Variants in SORCS2 observed in about 807,000 individuals in gnomAD.
The protein encoded by SORCS2 is VPS10 domain-containing receptor SorCS2.
SORCS2 carries 100 observed loss-of-function variants against 141.6 expected under a neutral mutation model. That is an observed-to-expected ratio of 0.71 (90% CI 0.60 to 0.83). The LOEUF (loss-of-function observed/expected upper bound fraction) is 0.83, where lower values mean the gene tolerates loss of function less well. SORCS2 is among the 40% of genes least tolerant of loss of function. The pLI is 0.00. For synonymous variants in SORCS2, 789 were observed against 676.9 expected (o/e 1.17, Z -2.57); for missense variants, 1,646 against 1,560.2 (o/e 1.05, Z -0.93).
At chr4:7,512,897 C>T (rs1732751551) in intron 2 of SORCS2, among the ~76,000 whole-genome samples, 2 of 152,232 alleles carry the variant, frequency 1.3e-5, no homozygotes, top group African/African-American at 4.8e-5. Flanking sequence ...CCCTGCCCCT[C>T]CATGGCCTTG....
At chr4:7,535,366 C>T (rs916249606) in intron 3 of SORCS2, among the ~76,000 whole-genome samples, 3 of 152,130 alleles carry the variant, frequency 2.0e-5, no homozygotes, top group Non-Finnish European at 4.4e-5. Flanking sequence ...CACCGGGGAG[C>T]GGCAGGGGAA....
chr4:7,433,544 C>G, intron 2 of SORCS2: 2 of 1,610,446 alleles, frequency 1.2e-6, no homozygotes, highest in South Asian at 1.1e-5. Flanking sequence ...AGCACGGGCT[C>G]GTACTGGGTG....
At chr4:7,285,020 C>T (rs1038750280) in intron 1 of SORCS2, among the ~76,000 whole-genome samples, 1 of 121,260 alleles carries the variant, frequency 8.2e-6, no homozygotes, top group African/African-American at 2.8e-5. Context: ...TGGGACCATC[C>T]CATATATATA....
At chr4:7,482,658 T>A (rs1461746775) in intron 2 of SORCS2, among the ~76,000 whole-genome samples, 1 of 72,604 alleles carries the variant, frequency 1.4e-5, no homozygotes, top group African/African-American at 8.1e-5. Context: ...GTATCCCCGC[T>A]GCGGACACCC....
At chr4:7,455,111 A>T (rs1217560423) in intron 2 of SORCS2, among the ~76,000 whole-genome samples, 20 of 24,582 alleles carry the variant, frequency 8.1e-4, no homozygotes, top group East Asian at 1.4e-3. Flanking sequence ...TGGGGTCAGG[A>T]GCTGTGTGTT....
At chr4:7,422,926 C>T (rs1006273579) in intron 2 of SORCS2, among the ~76,000 whole-genome samples, 6 of 152,194 alleles carry the variant, frequency 3.9e-5, no homozygotes, top group Non-Finnish European at 7.3e-5. Context: ...CCGCAGACCA[C>T]GGCCCCTCTC....
chr4:7,627,622 G>A (rs1490465105), intron 3 of SORCS2, among the ~76,000 whole-genome samples: 1 of 152,226 alleles, frequency 6.6e-6, no homozygotes, highest in Non-Finnish European at 1.5e-5. Context: ...CTCATAATGT[G>A]CCTCTGTTGG....
rs755512220 is a variant in SORCS2, at chr4:7,654,198, A to T, written c.878A>T (p.His293Leu). Residue 293 changes from histidine (H) to leucine (L), a missense_variant, in exon 5 of 27, where the codon CAC becomes CTC. Coordinates refer to ENST00000507866, the MANE Select transcript of SORCS2 (RefSeq NM_020777.3). The stretch of plus-strand genomic sequence containing the variant: ...CTGCAAGAGCGAGTGACCAAAGACC[A>T]CGTGTTCTGGTGAGAGCACTTCCCC... ...TLLQERVTKD[H>L]VFWSVSGVDA... 6.3e-7 allele frequency: 1 copy of T among 1,576,862 alleles called. No individual in the cohort carries two copies. The highest frequency in any genetic ancestry group is 1.2e-5 in the South Asian group (1 of 86,052).
chr4:7,335,489 C>A (rs1347900237), intron 1 of SORCS2, among the ~76,000 whole-genome samples: 1 of 152,206 alleles, frequency 6.6e-6, no homozygotes, highest in African/African-American at 2.4e-5. Flanking sequence ...CCTTTTCTTT[C>A]TCTCTGGGCG....
intron 24 of SORCS2, among the ~76,000 whole-genome samples, chr4:7,733,636 C>T (rs575942154): frequency 4.1e-4 from 62 of 152,352 alleles, no homozygotes; most frequent in African/African-American, 1.4e-3. Flanking sequence ...CTGATACCCA[C>T]GCTTCGGGTC....
chr4:7,253,123 G>C (rs1713617093), intron 1 of SORCS2, among the ~76,000 whole-genome samples: 2 of 152,368 alleles, frequency 1.3e-5, no homozygotes, highest in South Asian at 4.1e-4. Context: ...GGGTGTCCTG[G>C]TGATCACAAA....
rs1284893454 is a variant in SORCS2, at chr4:7,209,403, G to C, written c.480+16277G>C. On this transcript the variant is annotated intron_variant, in intron 1 of 26. Coordinates refer to ENST00000507866, the MANE Select transcript of SORCS2 (RefSeq NM_020777.3). ...GGGTCTTGAGATACTTGTGGCCTCTGGGGTGGGAGGACTTGGGAGGCTGTG... is the reference window on the plus strand; with the variant it reads ...GGGTCTTGAGATACTTGTGGCCTCTCGGGTGGGAGGACTTGGGAGGCTGTG... Among the ~76,000 whole-genome samples the C allele has an allele frequency of 1.3e-5, 2 of 152,184 alleles. 1 individual carries two copies. Among genetic ancestry groups the C allele is most frequent in the Admixed American group, 1.3e-4 (2 of 15,290 alleles).
At chr4:7,635,710 TC>T (rs1200532169) in intron 3 of SORCS2, among the ~76,000 whole-genome samples, 1 of 152,186 alleles carries the variant, frequency 6.6e-6, no homozygotes, top group African/African-American at 2.4e-5. Flanking sequence ...CCTCGGTTCT[TC>T]CTTGTTTTTT....
At chr4:7,435,008 TCA>T (rs1727202991) in intron 2 of SORCS2, 2 of 1,172,476 alleles carry the variant, frequency 1.7e-6, no homozygotes, top group Non-Finnish European at 2.4e-6. Flanking sequence ...ACAGCCTGAC[TCA>T]CACCCTGTGC....
chr4:7,438,604 CCT>C (rs2109251504), intron 2 of SORCS2, among the ~76,000 whole-genome samples: 1 of 151,918 alleles, frequency 6.6e-6, no homozygotes, highest in South Asian at 2.1e-4. Context: ...ATCTCCCCTT[CCT>C]CTCTCCTTCC....
intron 1 of SORCS2, among the ~76,000 whole-genome samples, chr4:7,327,328 G>A (rs1039682162): frequency 3.3e-5 from 5 of 152,312 alleles, no homozygotes; most frequent in Admixed American, 1.3e-4. Context: ...TGTGCTCCTC[G>A]GCTTGCACCA....
chr4:7,574,956 A>C (rs1052027205), intron 3 of SORCS2, among the ~76,000 whole-genome samples: 6 of 152,150 alleles, frequency 3.9e-5, no homozygotes, highest in Non-Finnish European at 8.8e-5. Flanking sequence ...CTGCAAGAGC[A>C]CTCCAGATGC....
chr4:7,477,940 T>C (rs1730401921), intron 2 of SORCS2, among the ~76,000 whole-genome samples: 1 of 152,214 alleles, frequency 6.6e-6, no homozygotes. Flanking sequence ...TCGTGTTGGC[T>C]ATCGCGCACA....
At position 7,740,386 on chromosome 4, in the gene SORCS2, A is replaced by G. The variant is rs1382487330; in HGVS notation, c.*122A>G. The G allele has an allele frequency of 1.2e-6, 1 of 846,330 alleles. No homozygotes were observed. Among genetic ancestry groups the G allele is most frequent in the Non-Finnish European group, 1.9e-6 (1 of 529,244 alleles). 52.4% of individuals were successfully genotyped at this position (846,330 alleles called of 1,614,324 possible). On this transcript the variant is annotated 3_prime_UTR_variant, in exon 27 of 27. Transcript: ENST00000507866. ...CCCCTCCCTGAGTCGTCGCCACACC[A>G]GGCGACAGGCACCACCCCCTCTGAT...
Sources: allele counts gnomAD v4.1 joint callset (sites outside exome capture counted in the v4.1 genomes callset), GRCh38; gene constraint gnomAD v4.1.1; transcripts MANE v1.5; gene names NCBI Gene and HGNC (gene_info 2026-07-23, HGNC 2026-07-21).